PIWIL3: variants seen among roughly 807,000 people sequenced by gnomAD.
PIWIL3 encodes piwi-like protein 3.
Under a neutral mutation model 109.7 loss-of-function variants are expected in PIWIL3, and 101 were observed. That is an observed-to-expected ratio of 0.92 (90% CI 0.78 to 1.09). PIWIL3 has a LOEUF of 1.09. PIWIL3 is among the 50% of genes least tolerant of loss of function. The pLI is 0.00. For missense variants in PIWIL3, 1,031 were observed against 1,072.6 expected, an observed-to-expected ratio of 0.96 and a Z score of 0.54; for synonymous variants, 373 against 376.4, an observed-to-expected ratio of 0.99 and a Z score of 0.10.
intron 16 of PIWIL3, among the ~76,000 whole-genome samples, chr22:24,726,975 G>GA (rs1474603584): frequency 1.3e-5 from 2 of 152,154 alleles, no homozygotes. Flanking sequence ...TCTGAGAACA[G>GA]AAAATAAAAG....
intron 16 of PIWIL3, among the ~76,000 whole-genome samples, chr22:24,725,832 T>TGA (rs147337415): frequency 0.38 from 57,275 of 151,830 alleles, 11,956 homozygotes; most frequent in Non-Finnish European, 0.49. Flanking sequence ...GTGCTCCCCC[T>TGA]GGTTCCTGCT....
intron 1 of PIWIL3, among the ~76,000 whole-genome samples, chr22:24,764,907 G>A (rs918328050): frequency 2.0e-5 from 3 of 152,172 alleles, no homozygotes; most frequent in Admixed American, 6.6e-5. Flanking sequence ...TGTGGTTTGG[G>A]AGAAATGGAT....
chr22:24,766,192 G>T (rs6004271), intron 1 of PIWIL3, among the ~76,000 whole-genome samples: 41,832 of 151,830 alleles, frequency 0.28, 6,931 homozygotes, highest in East Asian at 0.55. Flanking sequence ...TCACCATGTT[G>T]CCTGGGCTGG....
At chr22:24,733,164 C>G (rs558883326) in intron 14 of PIWIL3, among the ~76,000 whole-genome samples, 8 of 152,264 alleles carry the variant, frequency 5.3e-5, no homozygotes, top group African/African-American at 1.9e-4. Flanking sequence ...AGAAGAAAGT[C>G]TAGGCTTCAT....
intron 1 of PIWIL3, among the ~76,000 whole-genome samples, chr22:24,763,021 T>C (rs1239888314): frequency 6.6e-6 from 1 of 152,038 alleles, no homozygotes; most frequent in East Asian, 1.9e-4. Context: ...TTACTATTAC[T>C]TCCAATAAAG....
At chr22:24,742,396 C>A (rs1287101203) in intron 12 of PIWIL3, among the ~76,000 whole-genome samples, 4 of 149,572 alleles carry the variant, frequency 2.7e-5, no homozygotes, top group African/African-American at 7.3e-5. Flanking sequence ...AAAAAAAAAT[C>A]AAAAAAATCC....
In PIWIL3 at chr22:24,719,485, A is replaced by T. The variant is rs539213266; in HGVS notation, c.2609T>A (p.Leu870His). The change falls in exon 21 of 21, where the codon CTC becomes CAC. Residue 870 changes from leucine to histidine, a missense_variant. Leu to His is a moderately conservative substitution (Grantham distance 99, BLOSUM62 -3). Transcript: ENST00000616349. The stretch of plus-strand genomic sequence containing the variant: ...TTCTTCTGCAGGTCAAAGGTAAAAG[A>T]GACGAGTTGACAAGGAACGATTCGG... ...QEPNRSLSTR[L>H]FYL 2.5e-6 allele frequency: 4 copies of T among 1,586,494 alleles called. No homozygotes were observed. The African/African-American group carries it at 5.4e-5, about 22-fold the overall frequency.
In PIWIL3 at chr22:24,761,891, G is replaced by A. The variant is rs543255786; in HGVS notation, c.102+507C>T. On this transcript the variant is annotated intron_variant, in intron 2 of 20. Coordinates refer to ENST00000616349, the MANE Select transcript of PIWIL3 (RefSeq NM_001255975.1). ...AGAATAAGTGGACCTGGAAGGCATCGTGCTACTTCCATGCAGTATATGGTC... is the reference window on the plus strand; with the variant it reads ...AGAATAAGTGGACCTGGAAGGCATCATGCTACTTCCATGCAGTATATGGTC... 53 of 900,116 alleles carry A rather than the reference G, an allele frequency of 5.9e-5. 1 individual carries two copies. In the Middle Eastern group the frequency reaches 1.7e-3, roughly 29 times the overall value. 55.8% of individuals were successfully genotyped at this position (900,116 alleles called of 1,614,324 possible).
Position 24,728,174 on chromosome 22 carries a change from T to C in PIWIL3, c.1905+3A>G. On this transcript the variant is annotated splice_donor_region_variant and intron_variant, in intron 15 of 20. Coordinates refer to ENST00000616349, the MANE Select transcript of PIWIL3 (RefSeq NM_001255975.1). ...TAAACGAAGTCAGTGAAATACAACA[T>C]ACGTCTGTCTCCACCTTCCAGAGGG... The C allele has an allele frequency of 6.2e-7, 1 of 1,613,928 alleles. No homozygotes were observed. The highest frequency in any genetic ancestry group is 1.1e-5 in the South Asian group (1 of 91,078).
chr22:24,749,255 AG>A, intron 11 of PIWIL3, 148 bp downstream of exon 11: 1 of 1,285,192 alleles, frequency 7.8e-7, no homozygotes, highest in Non-Finnish European at 1.1e-6. Flanking sequence ...TTGCAATGAC[AG>A]AAAAACTAGA....
At chr22:24,745,819 T>C (rs964602129) in intron 12 of PIWIL3, among the ~76,000 whole-genome samples, 2 of 149,962 alleles carry the variant, frequency 1.3e-5, no homozygotes, top group African/African-American at 2.4e-5. Flanking sequence ...CATTCCTGGC[T>C]ACTATGAGCA....
Position 24,759,990 on chromosome 22 carries a change from C to T in PIWIL3, c.103-1G>A. The stretch of plus-strand genomic sequence containing the variant: ...ACTGCAACTGAGGGGGCTCCTGGGT[C>T]TGCATGTTTTTGGAAATAGAAATAA... On this transcript the variant is annotated splice_acceptor_variant, in intron 2 of 20. Transcript: ENST00000616349. LOFTEE classifies it high-confidence loss of function. 2 of 1,613,950 alleles carry T rather than the reference C, an allele frequency of 1.2e-6. No homozygotes were observed. The highest frequency in any genetic ancestry group is 1.7e-6 in the Non-Finnish European group (2 of 1,179,998).
intron 14 of PIWIL3, among the ~76,000 whole-genome samples, chr22:24,731,602 G>A (rs1009184166): frequency 1.3e-5 from 2 of 150,106 alleles, no homozygotes; most frequent in Middle Eastern, 3.4e-3. Flanking sequence ...AGTGAGCTGA[G>A]ATCACACCAC....
At chr22:24,761,729 A>T (rs751978384) in intron 2 of PIWIL3, 2 of 154,076 alleles carry the variant, frequency 1.3e-5, no homozygotes, top group Non-Finnish European at 2.8e-5. Context: ...CAAGAGAGGG[A>T]GCCACTGACA....
chr22:24,724,756 G>C, intron 18 of PIWIL3, 131 bp downstream of exon 18: 1 of 1,026,664 alleles, frequency 9.7e-7, no homozygotes, highest in Non-Finnish European at 1.4e-6. Flanking sequence ...ATTTTTTGTA[G>C]AGATTGGATC....
rs138636185 is a variant in PIWIL3, at chr22:24,766,743, G to A, written c.-22-4222C>T. On this transcript the variant is annotated intron_variant, in intron 1 of 20. Coordinates refer to ENST00000616349, the MANE Select transcript of PIWIL3 (RefSeq NM_001255975.1). ...AGAGAAATAGTTAGTTATCTGGCAC[G>A]GTTTCTTAACTAATCTTTGTCTTAC... is the stretch of plus-strand genomic sequence containing the variant. Among the ~76,000 whole-genome samples, 501 of 152,204 alleles carry A rather than the reference G, an allele frequency of 3.3e-3. 5 individuals carry two copies. The highest frequency in any genetic ancestry group is 0.012 in the African/African-American group (482 of 41,552).
chr22:24,742,142 CA>C (rs1489916540), intron 12 of PIWIL3, among the ~76,000 whole-genome samples: 1 of 86,986 alleles, frequency 1.1e-5, no homozygotes, highest in Non-Finnish European at 2.2e-5. Flanking sequence ...ACCACTTTTA[CA>C]ATAGCTGCAA....
At chr22:24,730,793 C>CT (rs1218617971) in intron 14 of PIWIL3, among the ~76,000 whole-genome samples, 8 of 152,130 alleles carry the variant, frequency 5.3e-5, no homozygotes, top group African/African-American at 1.9e-4. Flanking sequence ...ACTATGTTCC[C>CT]TACTGGCATT....
rs144728992 is a variant in PIWIL3, at chr22:24,728,301, G to A, written c.1781C>T (p.Pro594Leu). Reference protein sequence around the residue: ...SIKRYLCTKCPIPSQCVVKKT... With the variant: ...SIKRYLCTKCLIPSQCVVKKT... Reference sequence around the variant, plus strand: ...TTTCACCACACACTGGCTTGGAATTGGGCATTTGGTACATAGGTATCTTTT... The same window carrying A: ...TTTCACCACACACTGGCTTGGAATTAGGCATTTGGTACATAGGTATCTTTT... The change falls in exon 15 of 21, where the codon CCA (proline) becomes CTA (leucine). Residue 594 changes from proline (P) to leucine (L), a missense_variant. By Grantham distance (98) the Pro-to-Leu change is moderately conservative. Coordinates refer to ENST00000616349, the MANE Select transcript of PIWIL3 (RefSeq NM_001255975.1). The A allele has an allele frequency of 4.3e-6, 7 of 1,614,002 alleles. No homozygotes were observed. In the African/African-American group the frequency reaches 6.7e-5, roughly 15 times the overall value.
Sources: gnomAD v4.1 joint callset for allele counts (sites outside exome capture counted in the v4.1 genomes callset) on GRCh38, gnomAD v4.1.1 for gene constraint, MANE v1.5 for transcripts, NCBI Gene and HGNC (gene_info 2026-07-23, HGNC 2026-07-21) for gene names.